COX7B2: variants seen among roughly 807,000 people sequenced by gnomAD.
COX7B2 encodes the protein cytochrome c oxidase subunit 7B2, also known as cytochrome c oxidase subunit 7B2, mitochondrial.
For missense variants in COX7B2, 109 were observed against 95.9 expected (o/e 1.14, Z -0.57); for synonymous variants, 37 against 32.1 (o/e 1.15, Z -0.51).
At chr4:46,793,699 TCAAA>T (rs966590036) in intron 2 of COX7B2, among the ~76,000 whole-genome samples, 2 of 152,158 alleles carry the variant, frequency 1.3e-5, no homozygotes, top group African/African-American at 4.8e-5. Context: ...CTGCTGAAGA[TCAAA>T]CAGAGAATCT....
intron 2 of COX7B2, among the ~76,000 whole-genome samples, chr4:46,789,947 G>C (rs1322318425): frequency 6.6e-6 from 1 of 151,860 alleles, no homozygotes; most frequent in Non-Finnish European, 1.5e-5. Context: ...CTCTGGAATT[G>C]TGACTTAGTA....
intron 2 of COX7B2, among the ~76,000 whole-genome samples, chr4:46,766,354 T>C (rs749196630): frequency 2.0e-5 from 3 of 152,032 alleles, no homozygotes; most frequent in Non-Finnish European, 4.4e-5. Flanking sequence ...AAATCCACAA[T>C]ATCAAAAGGT....
intron 2 of COX7B2, among the ~76,000 whole-genome samples, chr4:46,838,816 T>A (rs934794490): frequency 1.3e-5 from 2 of 152,054 alleles, no homozygotes; most frequent in Non-Finnish European, 2.9e-5. Context: ...CAAGACCTGA[T>A]AATTCCGAAT....
chr4:46,740,454 C>A (rs918332453), intron 2 of COX7B2, among the ~76,000 whole-genome samples: 5 of 151,834 alleles, frequency 3.3e-5, no homozygotes, highest in Non-Finnish European at 7.4e-5. Context: ...TCAAGTTTAC[C>A]CATATGTAAG....
chr4:46,790,714 C>T (rs781059031), intron 2 of COX7B2, among the ~76,000 whole-genome samples: 10 of 152,162 alleles, frequency 6.6e-5, no homozygotes, highest in Non-Finnish European at 1.2e-4. Context: ...TCAAAGAAGG[C>T]AGTATACTAA....
At chr4:46,874,570 T>A (rs1412719390) in intron 1 of COX7B2, among the ~76,000 whole-genome samples, 1 of 152,236 alleles carries the variant, frequency 6.6e-6, no homozygotes, top group African/African-American at 2.4e-5. Flanking sequence ...GTGGTTTTTT[T>A]TGTTCCAAGA....
intron 1 of COX7B2, among the ~76,000 whole-genome samples, chr4:46,850,144 T>G (rs546108111): frequency 6.7e-6 from 1 of 149,482 alleles, no homozygotes. Flanking sequence ...GAGATACTGA[T>G]TTAAAAATGA....
intron 2 of COX7B2, among the ~76,000 whole-genome samples, chr4:46,753,551 C>T (rs1235938557): frequency 2.6e-5 from 4 of 151,628 alleles, no homozygotes; most frequent in Non-Finnish European, 4.4e-5. Context: ...ACACCTTATA[C>T]AAAAATTAAT....
At chr4:46,789,403 CA>C (rs558113343) in intron 2 of COX7B2, among the ~76,000 whole-genome samples, 60 of 152,096 alleles carry the variant, frequency 3.9e-4, no homozygotes, top group African/African-American at 1.4e-3. Context: ...AAAATAATCT[CA>C]AAAAAATTTT....
At chr4:46,736,054 G>C (rs547023235) in intron 2 of COX7B2, among the ~76,000 whole-genome samples, 1 of 152,040 alleles carries the variant, frequency 6.6e-6, no homozygotes, top group East Asian at 1.9e-4. Flanking sequence ...TTACATGAAG[G>C]TTCACTCCTG....
intron 2 of COX7B2, among the ~76,000 whole-genome samples, chr4:46,752,596 A>G (rs1439464230): frequency 1.3e-5 from 2 of 152,128 alleles, no homozygotes; most frequent in Non-Finnish European, 2.9e-5. Flanking sequence ...ACATCCTATC[A>G]ATACCTAATT....
intron 1 of COX7B2, among the ~76,000 whole-genome samples, chr4:46,903,579 C>T (rs1331081497): frequency 6.6e-6 from 1 of 152,080 alleles, no homozygotes; most frequent in Non-Finnish European, 1.5e-5. Flanking sequence ...ACTGCCTCAC[C>T]CAGAACAACT....
chr4:46,812,840 G>C (rs1045765577), intron 2 of COX7B2, among the ~76,000 whole-genome samples: 1 of 152,232 alleles, frequency 6.6e-6, no homozygotes, highest in African/African-American at 2.4e-5. Flanking sequence ...ACTGGGTTCA[G>C]GGTGTGGCAT....
intron 2 of COX7B2, among the ~76,000 whole-genome samples, chr4:46,753,808 T>C (rs1301360251): frequency 6.6e-5 from 10 of 152,106 alleles, no homozygotes; most frequent in African/African-American, 2.4e-4. Flanking sequence ...TTTTGCAATC[T>C]ACCCATCTGA....
intron 1 of COX7B2, among the ~76,000 whole-genome samples, chr4:46,880,409 G>C (rs1243889533): frequency 8.5e-6 from 1 of 118,060 alleles, no homozygotes; most frequent in Non-Finnish European, 1.7e-5. Flanking sequence ...ATCAGGTCCT[G>C]GGCTTTTTTT....
chr4:46,836,998 T>C (rs937314320), intron 2 of COX7B2, among the ~76,000 whole-genome samples: 1 of 152,056 alleles, frequency 6.6e-6, no homozygotes, highest in Non-Finnish European at 1.5e-5. Context: ...ATGTGTACAG[T>C]TTTACATATA....
chr4:46,879,304 T>C (rs987630804), intron 1 of COX7B2, among the ~76,000 whole-genome samples: 12 of 152,140 alleles, frequency 7.9e-5, no homozygotes, highest in South Asian at 2.1e-4. Context: ...CTTATAGCCA[T>C]GTACCACTGT....
chr4:46,739,654 G>C (rs1353579131), intron 2 of COX7B2, among the ~76,000 whole-genome samples: 1 of 152,056 alleles, frequency 6.6e-6, no homozygotes, highest in East Asian at 1.9e-4. Flanking sequence ...GCTAGATCTT[G>C]AAATATTATT....
At chr4:46,900,759 T>C (rs1720032830) in intron 1 of COX7B2, among the ~76,000 whole-genome samples, 2 of 152,144 alleles carry the variant, frequency 1.3e-5, no homozygotes. Flanking sequence ...CATGTGAGAA[T>C]ACAGCAAGAA....
Sources: gnomAD v4.1 joint callset for allele counts (sites outside exome capture counted in the v4.1 genomes callset) on GRCh38, gnomAD v4.1.1 for gene constraint, MANE v1.5 for transcripts, NCBI Gene and HGNC (gene_info 2026-07-23, HGNC 2026-07-21) for gene names.